MSI2: variants seen among roughly 807,000 people sequenced by gnomAD.
MSI2 encodes the protein musashi RNA binding protein 2.
In MSI2, 17 loss-of-function variants were observed where a neutral mutation model predicts 45.6. The ratio of observed to expected loss-of-function variants is 0.37; its 90% CI spans 0.26 to 0.56. The LOEUF (loss-of-function observed/expected upper bound fraction) is 0.56. Ranked by LOEUF, MSI2 falls within the 20% of genes least tolerant of loss-of-function variation. The pLI is 0.77. For missense variants in MSI2, 293 were observed against 444.2 expected (o/e 0.66, Z 3.06); for synonymous variants, 156 against 158.2 (o/e 0.99, Z 0.11).
chr17:57,608,025 C>T (rs1021166992), intron 8 of MSI2, among the ~76,000 whole-genome samples: 5 of 152,088 alleles, frequency 3.3e-5, no homozygotes, highest in East Asian at 1.9e-4. Context: ...GAGATTTGGG[C>T]GGAGACAAAT....
chr17:57,480,884 A>G (rs1172110775), intron 6 of MSI2, among the ~76,000 whole-genome samples: 1 of 152,178 alleles, frequency 6.6e-6, no homozygotes, highest in Non-Finnish European at 1.5e-5. Context: ...CTTGGCCCTA[A>G]ATATGAGGAA....
chr17:57,555,791 C>T (rs952576950), intron 7 of MSI2, among the ~76,000 whole-genome samples: 1 of 152,076 alleles, frequency 6.6e-6, no homozygotes. Flanking sequence ...GTTGCTATGG[C>T]AACAGATGCT....
chr17:57,692,934 T>G, the MSI2 span, among the ~76,000 whole-genome samples: 3 of 151,846 alleles, frequency 2.0e-5, no homozygotes, highest in Admixed American at 6.6e-5. Flanking sequence ...GTCTCTTTGT[T>G]TAATTTATTC....
At chr17:57,336,999 G>C (rs1296045358) in intron 5 of MSI2, among the ~76,000 whole-genome samples, 1 of 152,162 alleles carries the variant, frequency 6.6e-6, no homozygotes, top group Non-Finnish European at 1.5e-5. Context: ...ATCCCTTGCA[G>C]GGTTGTTTGC....
At chr17:57,344,435 T>C (rs1915420776) in intron 5 of MSI2, among the ~76,000 whole-genome samples, 1 of 152,206 alleles carries the variant, frequency 6.6e-6, no homozygotes, top group African/African-American at 2.4e-5. Context: ...ACTTCTTTAC[T>C]TTCTGGCATA....
chr17:57,551,585 C>T (rs955550462), intron 7 of MSI2, among the ~76,000 whole-genome samples: 2 of 152,142 alleles, frequency 1.3e-5, no homozygotes, highest in Non-Finnish European at 2.9e-5. Context: ...CCCATGGGGT[C>T]ATGCATGTAC....
intron 5 of MSI2, among the ~76,000 whole-genome samples, chr17:57,387,981 G>A (rs2083714529): frequency 6.6e-6 from 1 of 152,232 alleles, no homozygotes; most frequent in South Asian, 2.1e-4. Flanking sequence ...TGATCACCTA[G>A]TAAAATGCAT....
intron 6 of MSI2, among the ~76,000 whole-genome samples, chr17:57,499,796 G>A (rs564580433): frequency 1.3e-5 from 2 of 152,312 alleles, no homozygotes; most frequent in African/African-American, 2.4e-5. Context: ...CTGTCCAAGG[G>A]ATCTCAGGAC....
chr17:57,286,606 A>G, intron 5 of MSI2, among the ~76,000 whole-genome samples: 1 of 151,932 alleles, frequency 6.6e-6, no homozygotes, highest in East Asian at 1.9e-4. Flanking sequence ...CGTCATTGGT[A>G]TCCGGGCTCC....
At position 57,501,354 on chromosome 17, in the gene MSI2, A is replaced by G. The variant is rs563646189; in HGVS notation, c.406-28322A>G. 6.6e-5 allele frequency among the ~76,000 whole-genome samples: 10 copies of G among 152,330 alleles called. No individual in the cohort carries two copies. In the South Asian group the frequency reaches 2.1e-3, roughly 32 times the overall value. ...TCAAAACAAATGCTTTTGTGTGTTT[A>G]CTGCCTCACACGCTCAGCCAGAAGC... is the stretch of plus-strand genomic sequence containing the variant. On this transcript the variant is annotated intron_variant, in intron 6 of 13. Transcript: ENST00000284073.
chr17:57,501,610 G>T (rs1030128041), intron 6 of MSI2, among the ~76,000 whole-genome samples: 11 of 152,206 alleles, frequency 7.2e-5, no homozygotes, highest in African/African-American at 2.7e-4. Context: ...GCCTAAAAGA[G>T]ATTCTGGCGT....
At chr17:57,505,643 G>GGGAGT (rs1482247343) in intron 6 of MSI2, among the ~76,000 whole-genome samples, 1 of 152,104 alleles carries the variant, frequency 6.6e-6, no homozygotes, top group African/African-American at 2.4e-5. Flanking sequence ...CTTTTGCCAG[G>GGGAGT]GGAGTAAAAA....
At chr17:57,616,803 G>A (rs906372303) in intron 9 of MSI2, among the ~76,000 whole-genome samples, 2 of 152,208 alleles carry the variant, frequency 1.3e-5, no homozygotes, top group Non-Finnish European at 2.9e-5. Flanking sequence ...GAAAGATGGA[G>A]AAAGCAGTGG....
At chr17:57,567,876 C>T (rs1567905374) in intron 7 of MSI2, among the ~76,000 whole-genome samples, 1 of 152,222 alleles carries the variant, frequency 6.6e-6, no homozygotes, top group Non-Finnish European at 1.5e-5. Context: ...AAGTCTTAAG[C>T]ACCTTGCTCT....
At chr17:57,295,401 T>G (rs764317967) in intron 5 of MSI2, among the ~76,000 whole-genome samples, 1 of 152,118 alleles carries the variant, frequency 6.6e-6, no homozygotes, top group Non-Finnish European at 1.5e-5. Flanking sequence ...AAAGATGGGT[T>G]GTGTCACACC....
intron 6 of MSI2, chr17:57,444,687 C>T (rs1266637241): frequency 6.6e-6 from 1 of 152,176 alleles, no homozygotes; most frequent in Non-Finnish European, 1.5e-5. Context: ...TGTTTTGTTG[C>T]TGGAGAACTT....
At chr17:57,653,460 C>T (rs1911333689) in intron 11 of MSI2, among the ~76,000 whole-genome samples, 1 of 152,114 alleles carries the variant, frequency 6.6e-6, no homozygotes, top group African/African-American at 2.4e-5. Flanking sequence ...CCCACCTGCC[C>T]TCTGGCCAGT....
intron 11 of MSI2, among the ~76,000 whole-genome samples, chr17:57,674,341 A>G (rs1913064440): frequency 6.6e-6 from 1 of 152,020 alleles, no homozygotes; most frequent in African/African-American, 2.4e-5. Context: ...AAAAAACAAA[A>G]CAAATTTGTC....
chr17:57,325,810 T>A (rs1435312647), intron 5 of MSI2, among the ~76,000 whole-genome samples: 1 of 152,216 alleles, frequency 6.6e-6, no homozygotes, highest in South Asian at 2.1e-4. Context: ...ATGCCTGCCG[T>A]ACCAAGCGTG....
Sources: gnomAD v4.1 joint callset for allele counts (sites outside exome capture counted in the v4.1 genomes callset) on GRCh38, gnomAD v4.1.1 for gene constraint, MANE v1.5 for transcripts, NCBI Gene and HGNC (gene_info 2026-07-23, HGNC 2026-07-21) for gene names.